ZFHX3: variants seen among roughly 807,000 people sequenced by gnomAD.
The protein encoded by ZFHX3 is zinc finger homeobox 3.
Under a neutral mutation model 279.1 loss-of-function variants are expected in ZFHX3, and 42 were observed. The ratio of observed to expected loss-of-function variants is 0.15; its 90% CI spans 0.12 to 0.19. The LOEUF (loss-of-function observed/expected upper bound fraction) is 0.19, where lower values mean the gene tolerates loss of function less well. Ranked by LOEUF, ZFHX3 falls within the 10% of genes least tolerant of loss-of-function variation. The pLI, the probability that ZFHX3 is intolerant of heterozygous loss-of-function variation, is 1.00. For missense variants in ZFHX3, 4,981 were observed against 4,754.0 expected (o/e 1.05, Z -1.40); for synonymous variants, 2,293 against 1,957.8 (o/e 1.17, Z -4.52).
chr16:73,707,078 C>G (rs996727742), intron 1 of ZFHX3, among the ~76,000 whole-genome samples: 1 of 152,200 alleles, frequency 6.6e-6, no homozygotes, highest in Non-Finnish European at 1.5e-5. Flanking sequence ...ACATAACTCA[C>G]TATGTCTTGA....
intron 5 of ZFHX3, among the ~76,000 whole-genome samples, chr16:73,254,189 G>A (rs1426670448): frequency 6.6e-6 from 1 of 152,116 alleles, no homozygotes; most frequent in East Asian, 1.9e-4. Context: ...ATTGGCCCAG[G>A]TGAGATTTTT....
chr16:72,963,624 A>G (rs566940492), intron 1 of ZFHX3, among the ~76,000 whole-genome samples: 6 of 152,320 alleles, frequency 3.9e-5, no homozygotes, highest in Admixed American at 3.9e-4. Flanking sequence ...TTTACTTTTC[A>G]AAGATTGTTT....
chr16:73,553,533 C>G (rs533554532), intron 2 of ZFHX3, among the ~76,000 whole-genome samples: 20 of 152,294 alleles, frequency 1.3e-4, no homozygotes, highest in African/African-American at 4.8e-4. Context: ...TCCTTGGTCC[C>G]TGTGGTGAAT....
intron 1 of ZFHX3, among the ~76,000 whole-genome samples, chr16:73,740,322 G>T (rs934501721): frequency 1.5e-4 from 23 of 152,084 alleles, no homozygotes; most frequent in African/African-American, 5.6e-4. Flanking sequence ...TGACTGAGCA[G>T]ATACGAGGCA....
rs768213106 is a variant in ZFHX3 at position 73,108,639 on chromosome 16, A to G, written c.-896-15041T>C. Among the ~76,000 whole-genome samples, 4 of 152,128 alleles carry G rather than the reference A, an allele frequency of 2.6e-5. No individual in the cohort carries two copies. The East Asian group carries it at 7.8e-4, about 29-fold the overall frequency. ...CTGCCGGTCCTGGAGCACACCCACC[A>G]GTACCTCTCTGGCCCCCTCCCCATC... On this transcript the variant is annotated intron_variant, in intron 7 of 17. Coordinates refer to the ZFHX3 transcript ENST00000641206.
intron 1 of ZFHX3, among the ~76,000 whole-genome samples, chr16:73,003,875 A>G (rs1051550981): frequency 4.6e-5 from 7 of 152,030 alleles, no homozygotes; most frequent in Admixed American, 3.9e-4. Flanking sequence ...TTCTTGACAC[A>G]TACTGCCAAA....
At chr16:73,600,653 C>G (rs775712001) in intron 2 of ZFHX3, among the ~76,000 whole-genome samples, 78 of 152,048 alleles carry the variant, frequency 5.1e-4, no homozygotes, top group Non-Finnish European at 1.3e-4. Context: ...ATCTCTTGAC[C>G]TCGTGATCCG....
intron 3 of ZFHX3, among the ~76,000 whole-genome samples, chr16:73,323,049 A>G (rs4011587): frequency 6.6e-6 from 1 of 152,122 alleles, no homozygotes; most frequent in East Asian, 1.9e-4. Flanking sequence ...GGCCTGTTTA[A>G]AATATTTACT....
At chr16:73,195,167 A>C (rs1968117399) in intron 5 of ZFHX3, among the ~76,000 whole-genome samples, 1 of 152,156 alleles carries the variant, frequency 6.6e-6, no homozygotes, top group African/African-American at 2.4e-5. Context: ...GCTTTGCAAA[A>C]TTAATTTGCC....
At chr16:73,663,770 CA>C (rs35642085) in intron 2 of ZFHX3, among the ~76,000 whole-genome samples, 69,561 of 152,064 alleles carry the variant, frequency 0.46, 18,304 homozygotes, top group East Asian at 0.79. Context: ...GATATTAAAA[CA>C]AAACCAAGAT....
At chr16:72,799,576 T>C (rs1483185043) in intron 8 of ZFHX3, among the ~76,000 whole-genome samples, 1 of 152,194 alleles carries the variant, frequency 6.6e-6, no homozygotes, top group Non-Finnish European at 1.5e-5. Context: ...ACAATGTTCT[T>C]TCCATCAGCA....
At chr16:73,220,588 T>C (rs2012380598) in intron 5 of ZFHX3, among the ~76,000 whole-genome samples, 1 of 152,140 alleles carries the variant, frequency 6.6e-6, no homozygotes, top group South Asian at 2.1e-4. Context: ...TTTTCTAAAA[T>C]TCTTTGACCG....
intron 3 of ZFHX3, among the ~76,000 whole-genome samples, chr16:73,396,029 C>T (rs2143413676): frequency 6.6e-6 from 1 of 152,336 alleles, no homozygotes; most frequent in East Asian, 1.9e-4. Context: ...CCATAATCAT[C>T]ACCCTACCTG....
At chr16:73,362,358 C>A (rs947094766) in intron 3 of ZFHX3, among the ~76,000 whole-genome samples, 1 of 152,194 alleles carries the variant, frequency 6.6e-6, no homozygotes, top group East Asian at 1.9e-4. Context: ...TGCCTGGGGG[C>A]TTGACCACCC....
intron 2 of ZFHX3, among the ~76,000 whole-genome samples, chr16:73,535,406 C>A (rs1035949779): frequency 6.6e-6 from 1 of 152,172 alleles, no homozygotes; most frequent in South Asian, 2.1e-4. Context: ...GAGTTCAGTG[C>A]ACCACTGGTG....
intron 4 of ZFHX3, among the ~76,000 whole-genome samples, chr16:73,285,509 G>T (rs147561643): frequency 7.4e-4 from 112 of 152,352 alleles, no homozygotes; most frequent in Non-Finnish European, 1.2e-3. Flanking sequence ...AGGCTCTGTG[G>T]GGTGTGTCAG....
intron 1 of ZFHX3, among the ~76,000 whole-genome samples, chr16:73,681,919 T>C (rs2053013912): frequency 1.3e-5 from 2 of 152,200 alleles, no homozygotes; most frequent in African/African-American, 4.8e-5. Context: ...TTCCAATAAA[T>C]ACGATTCCCC....
intron 1 of ZFHX3, among the ~76,000 whole-genome samples, chr16:73,806,892 A>G (rs576876549): frequency 3.7e-4 from 56 of 152,258 alleles, no homozygotes; most frequent in Middle Eastern, 6.8e-3. Flanking sequence ...GACGGAATCC[A>G]TCATCCCATC....
rs918026787 is a variant in ZFHX3 at position 73,568,400 on chromosome 16, C to T, written c.-1547+111780G>A. Among the ~76,000 whole-genome samples the T allele has an allele frequency of 7.9e-5, 12 of 152,254 alleles. No individual in the cohort carries two copies. The South Asian group carries it at 1.9e-3, about 24-fold the overall frequency. The stretch of plus-strand genomic sequence containing the variant: ...AAATAAGGCAGCTAGGGGAAACCTG[C>T]CTTGTCTTAGCACACCTGCTATGCC... On this transcript the variant is annotated intron_variant, in intron 2 of 17. Transcript: ENST00000641206.
Sources: allele counts gnomAD v4.1 joint callset (sites outside exome capture counted in the v4.1 genomes callset), GRCh38; gene constraint gnomAD v4.1.1; transcripts MANE v1.5; gene names NCBI Gene and HGNC (gene_info 2026-07-23, HGNC 2026-07-21).